The following NLK variants were observed in gnomAD, a reference collection of about 807,000 sequenced individuals.
The protein encoded by NLK is nemo like kinase.
In NLK, 11 loss-of-function variants were observed where a neutral mutation model predicts 59.0. The observed-to-expected ratio is 0.19, with a 90% CI of 0.12 to 0.31. NLK has a LOEUF of 0.31. NLK is among the 10% of genes least tolerant of loss of function. The probability of loss-of-function intolerance (pLI) is 1.00; values close to 1 mark genes in which losing one functional copy is unlikely to be tolerated. For synonymous variants in NLK, 235 were observed against 235.9 expected (o/e 1.00, Z 0.03); for missense variants, 410 against 661.1 (o/e 0.62, Z 4.16).
At chr17:28,197,362 A>G (rs1482405554), downstream of NLK, among the ~76,000 whole-genome samples, 1 of 151,854 alleles carries the variant, frequency 6.6e-6, no homozygotes, top group African/African-American at 2.4e-5. Flanking sequence ...CCACCTACTC[A>G]GGAGACTACG....
At chr17:28,083,038 T>G (rs34011118) in intron 1 of NLK, among the ~76,000 whole-genome samples, 1,649 of 152,254 alleles carry the variant, frequency 0.011, 32 homozygotes, top group African/African-American at 0.038. Context: ...ATAAGTAGAG[T>G]TTAAATTTAC....
At chr17:28,163,182 G>A (rs900978819) in intron 4 of NLK, among the ~76,000 whole-genome samples, 18 of 152,324 alleles carry the variant, frequency 1.2e-4, no homozygotes, top group African/African-American at 4.3e-4. Context: ...GTTGGAGCAG[G>A]CTCCGAGTTG....
rs35315018 is a variant in NLK, at chr17:28,142,717, T to G, written c.644+10042T>G. Among the ~76,000 whole-genome samples, 997 of 152,202 alleles carry G rather than the reference T, an allele frequency of 6.6e-3. 17 individuals carry two copies. The highest frequency in any genetic ancestry group is 0.022 in the African/African-American group (932 of 41,518). On this transcript the variant is annotated intron_variant, in intron 3 of 10. Transcript: ENST00000407008. ...AACTTCCTTCCCCTGTGCACCTGATTTTGGAAGAAAAAAAAAACGAGCAGG... is the reference window on the plus strand; with the variant it reads ...AACTTCCTTCCCCTGTGCACCTGATGTTGGAAGAAAAAAAAAACGAGCAGG...
intron 2 of NLK, among the ~76,000 whole-genome samples, chr17:28,131,984 G>A (rs1567722936): frequency 1.3e-5 from 2 of 152,024 alleles, no homozygotes; most frequent in African/African-American, 2.4e-5. Flanking sequence ...TGGCTTTTCT[G>A]TCTCTAGAAT....
chr17:28,093,394 G>A (rs759314336), intron 1 of NLK, among the ~76,000 whole-genome samples: 1 of 152,078 alleles, frequency 6.6e-6, no homozygotes, highest in Admixed American at 6.6e-5. Context: ...TTTTGTGGGC[G>A]ATCTCCATTA....
intron 6 of NLK, among the ~76,000 whole-genome samples, chr17:28,169,163 G>A (rs547392710): frequency 2.9e-4 from 44 of 152,338 alleles, no homozygotes; most frequent in African/African-American, 1.0e-3. Context: ...TGGGATTACA[G>A]GCATGAGCCA....
chr17:28,159,115 C>T (rs932648246), intron 3 of NLK, among the ~76,000 whole-genome samples: 9 of 152,096 alleles, frequency 5.9e-5, no homozygotes, highest in African/African-American at 1.9e-4. Context: ...ACAGTCCATG[C>T]AGAGGGAATA....
At chr17:28,141,561 A>G (rs888744647) in intron 3 of NLK, among the ~76,000 whole-genome samples, 4 of 152,202 alleles carry the variant, frequency 2.6e-5, no homozygotes, top group South Asian at 2.1e-4. Flanking sequence ...CTCAAATTCT[A>G]TTGAGCAGAA....
chr17:28,116,595 C>G (rs1905785749), intron 1 of NLK, among the ~76,000 whole-genome samples: 1 of 152,108 alleles, frequency 6.6e-6, no homozygotes, highest in Non-Finnish European at 1.5e-5. Flanking sequence ...ACAAAGTTTT[C>G]TTTTCTGATG....
intron 1 of NLK, among the ~76,000 whole-genome samples, chr17:28,067,829 C>A (rs1277117073): frequency 1.3e-5 from 2 of 148,614 alleles, no homozygotes; most frequent in Non-Finnish European, 3.0e-5. Context: ...GTAGGTAGAC[C>A]TTCTTAAAAT....
At chr17:28,137,845 G>A (rs1008551912) in intron 3 of NLK, among the ~76,000 whole-genome samples, 18 of 152,028 alleles carry the variant, frequency 1.2e-4, no homozygotes, top group African/African-American at 4.3e-4. Context: ...GATGTGAAAG[G>A]AGCAATAAAT....
chr17:28,087,112 T>G (rs2142772905), intron 1 of NLK, among the ~76,000 whole-genome samples: 1 of 152,114 alleles, frequency 6.6e-6, no homozygotes, highest in East Asian at 1.9e-4. Context: ...ATAAGGATTA[T>G]GAGTGAATCT....
At chr17:28,045,673 C>G (rs1244751426) in intron 1 of NLK, among the ~76,000 whole-genome samples, 2 of 152,086 alleles carry the variant, frequency 1.3e-5, no homozygotes, top group African/African-American at 4.8e-5. Flanking sequence ...GACTTGCTGT[C>G]TGAATTCCTT....
At chr17:28,119,911 C>T (rs1905949973) in intron 1 of NLK, among the ~76,000 whole-genome samples, 1 of 152,160 alleles carries the variant, frequency 6.6e-6, no homozygotes, top group Non-Finnish European at 1.5e-5. Flanking sequence ...GAGAAAACAA[C>T]AAACCCAAAT....
chr17:28,161,450 A>G (rs1006685071), intron 4 of NLK, among the ~76,000 whole-genome samples, 184 bp downstream of exon 4: 3 of 152,200 alleles, frequency 2.0e-5, no homozygotes, highest in Non-Finnish European at 2.9e-5. Context: ...AGGGTTGCCA[A>G]ATAGTTCTTG....
intron 1 of NLK, among the ~76,000 whole-genome samples, chr17:28,057,058 G>C (rs962916029): frequency 5.3e-5 from 8 of 149,828 alleles, no homozygotes; most frequent in Admixed American, 4.7e-4. Context: ...GGGTTCAAGC[G>C]ATTCTCCTGC....
chr17:28,194,492 CAGAGGA>C, intron 10 of NLK, 84 bp from the exon 11 acceptor site: 1 of 876,582 alleles, frequency 1.1e-6, no homozygotes, highest in Non-Finnish European at 1.7e-6. Flanking sequence ...TTAATTTTTT[CAGAGGA>C]AGAGAGGAAA....
rs1908331643 is a variant in NLK, at chr17:28,168,433, G to T, written c.838-15G>T. 1 of 1,570,256 alleles carries T rather than the reference G, an allele frequency of 6.4e-7. No homozygotes were observed. The highest frequency in any genetic ancestry group is 8.8e-7 in the Non-Finnish European group (1 of 1,141,040). On this transcript the variant is annotated splice_polypyrimidine_tract_variant and intron_variant, in intron 5 of 10. Transcript: ENST00000407008. The stretch of plus-strand genomic sequence containing the variant: ...GTATTTGCTTGATAATGTTTTGATT[G>T]CCTTTTCTGTCTAGATTTGTGATTT...
chr17:28,145,769 G>A (rs563331352), intron 3 of NLK, among the ~76,000 whole-genome samples: 28 of 151,994 alleles, frequency 1.8e-4, no homozygotes, highest in Non-Finnish European at 2.4e-4. Context: ...GCAGTGGCAT[G>A]ATCTCAGCTC....
Sources: gnomAD v4.1 joint callset for allele counts (sites outside exome capture counted in the v4.1 genomes callset) on GRCh38, gnomAD v4.1.1 for gene constraint, MANE v1.5 for transcripts, NCBI Gene and HGNC (gene_info 2026-07-23, HGNC 2026-07-21) for gene names.